The following DOCK3 variants were observed in gnomAD, a reference collection of about 807,000 sequenced individuals.
The protein encoded by DOCK3 is dedicator of cytokinesis protein 3.
DOCK3 carries 60 observed loss-of-function variants against 265.6 expected under a neutral mutation model. The ratio of observed to expected loss-of-function variants is 0.23; its 90% confidence interval spans 0.18 to 0.28. The LOEUF is 0.28. DOCK3 is among the 10% of genes least tolerant of loss of function. The pLI, the probability that DOCK3 is intolerant of heterozygous loss-of-function variation, is 1.00. For missense variants in DOCK3, 1,981 were observed against 2,594.3 expected (o/e 0.76, Z 5.14); for synonymous variants, 881 against 938.0 (o/e 0.94, Z 1.11).
intron 9 of DOCK3, among the ~76,000 whole-genome samples, chr3:51,123,939 T>C (rs1408830189): frequency 6.6e-6 from 1 of 152,186 alleles, no homozygotes; most frequent in Non-Finnish European, 1.5e-5. Flanking sequence ...GTTAACTCTT[T>C]TCTGTGCCCC....
intron 5 of DOCK3, among the ~76,000 whole-genome samples, chr3:51,011,500 C>T (rs2108769586): frequency 6.6e-6 from 1 of 152,252 alleles, no homozygotes; most frequent in South Asian, 2.1e-4. Context: ...TTTCTCTACA[C>T]TGGTTATTCT....
chr3:51,028,239 T>TAA (rs2079900553), intron 5 of DOCK3, among the ~76,000 whole-genome samples: 1 of 152,184 alleles, frequency 6.6e-6, no homozygotes, highest in Non-Finnish European at 1.5e-5. Context: ...TTAAGAATGC[T>TAA]AAAAATAGGC....
intron 27 of DOCK3, among the ~76,000 whole-genome samples, chr3:51,303,019 A>G (rs1452061229): frequency 2.0e-5 from 3 of 151,866 alleles, no homozygotes; most frequent in Non-Finnish European, 4.4e-5. Flanking sequence ...TATGTTTTTC[A>G]TCTTGGTTCT....
chr3:51,085,423 C>T (rs537586055), intron 7 of DOCK3, among the ~76,000 whole-genome samples: 8 of 152,236 alleles, frequency 5.3e-5, no homozygotes, highest in Admixed American at 4.6e-4. Context: ...TATTAGGCCA[C>T]AAACAAGTCT....
intron 5 of DOCK3, among the ~76,000 whole-genome samples, chr3:50,979,138 A>G (rs1435991838): frequency 6.6e-6 from 1 of 151,914 alleles, no homozygotes; most frequent in East Asian, 1.9e-4. Context: ...TGTAGACCGG[A>G]GCTGTTCCTA....
At chr3:51,038,738 G>A (rs1410969441) in intron 5 of DOCK3, among the ~76,000 whole-genome samples, 3 of 151,974 alleles carry the variant, frequency 2.0e-5, no homozygotes, top group Admixed American at 6.6e-5. Flanking sequence ...CTGGTTCATG[G>A]CACATTATTG....
chr3:51,177,473 A>G (rs950159083), intron 12 of DOCK3, among the ~76,000 whole-genome samples: 1 of 152,246 alleles, frequency 6.6e-6, no homozygotes, highest in Non-Finnish European at 1.5e-5. Context: ...AAGGCAAACT[A>G]TAGGAAAAAT....
intron 5 of DOCK3, among the ~76,000 whole-genome samples, chr3:50,978,429 G>C (rs188169866): frequency 6.6e-6 from 1 of 151,984 alleles, no homozygotes; most frequent in Non-Finnish European, 1.5e-5. Context: ...TGCCCCTGCT[G>C]GGGGGGTGCC....
chr3:51,026,577 T>A (rs2079833623), intron 5 of DOCK3, among the ~76,000 whole-genome samples: 1 of 152,108 alleles, frequency 6.6e-6, no homozygotes, highest in Non-Finnish European at 1.5e-5. Flanking sequence ...TTTTTTTGTG[T>A]ATCTGGTAGG....
chr3:50,933,027 A>G (rs945038191), intron 4 of DOCK3, among the ~76,000 whole-genome samples: 12 of 151,800 alleles, frequency 7.9e-5, no homozygotes, highest in African/African-American at 2.4e-4. Flanking sequence ...GCAGCAGACA[A>G]GAGAGCATGT....
intron 3 of DOCK3, among the ~76,000 whole-genome samples, chr3:50,861,438 A>G (rs1305399165): frequency 6.6e-5 from 10 of 152,148 alleles, no homozygotes; most frequent in Non-Finnish European, 1.3e-4. Context: ...GTAGATGTCT[A>G]TTAGGTCATT....
intron 27 of DOCK3, among the ~76,000 whole-genome samples, chr3:51,296,916 C>T (rs1339706891): frequency 2.6e-5 from 4 of 151,466 alleles, no homozygotes; most frequent in South Asian, 4.2e-4. Context: ...GTCAGGAGTT[C>T]GAGACCACCC....
At chr3:51,017,500 A>C (rs1426800320) in intron 5 of DOCK3, among the ~76,000 whole-genome samples, 2 of 151,790 alleles carry the variant, frequency 1.3e-5, no homozygotes, top group Admixed American at 6.6e-5. Context: ...ACTTGTAGCT[A>C]TAAATGTTCC....
In DOCK3 at chr3:51,045,124, C is replaced by T. The variant is rs1008164075; in HGVS notation, c.316-19324C>T. On this transcript the variant is annotated intron_variant, in intron 5 of 52. Coordinates refer to ENST00000266037, the MANE Select transcript of DOCK3 (RefSeq NM_004947.5). Reference sequence around the variant, plus strand: ...TTGGGCTGTCTCAGCTTTCAACATGCCTTTGCCACTAAGCTTAATCATTTC... The same window carrying T: ...TTGGGCTGTCTCAGCTTTCAACATGTCTTTGCCACTAAGCTTAATCATTTC... Among the ~76,000 whole-genome samples, 13 of 152,276 alleles carry T rather than the reference C, an allele frequency of 8.5e-5. No individual in the cohort carries two copies. In the East Asian group the frequency reaches 2.3e-3, roughly 27 times the overall value.
rs140788352 is a variant in DOCK3, at chr3:51,024,178, CT to C, written c.316-40267del. ...GTTATAGAAAGTCTTTGTGCAATGG[CT>C]TTCCCATATGATGGTTGTAATAGTT... On this transcript the variant is annotated intron_variant, in intron 5 of 52. Coordinates refer to ENST00000266037, the MANE Select transcript of DOCK3 (RefSeq NM_004947.5). 8.0e-3 allele frequency among the ~76,000 whole-genome samples: 1,221 copies of C among 152,258 alleles called. 15 individuals are homozygous for C. Among genetic ancestry groups the C allele is most frequent in the Admixed American group, 0.01 (158 of 15,292 alleles).
At chr3:51,222,677 C>G (rs1415708998) in intron 14 of DOCK3, among the ~76,000 whole-genome samples, 9 of 152,104 alleles carry the variant, frequency 5.9e-5, no homozygotes, top group Admixed American at 5.9e-4. Context: ...AGCTAAAGAC[C>G]TGATGAAAAT....
chr3:51,133,650 A>G (rs2084664141), intron 9 of DOCK3, among the ~76,000 whole-genome samples: 1 of 152,188 alleles, frequency 6.6e-6, no homozygotes. Context: ...TTATAGTAGC[A>G]TGATTTATAA....
intron 23 of DOCK3, among the ~76,000 whole-genome samples, chr3:51,266,043 CAGAG>C (rs766368052): frequency 2.6e-5 from 4 of 152,148 alleles, no homozygotes; most frequent in Non-Finnish European, 5.9e-5. Flanking sequence ...AATAGACAAA[CAGAG>C]AGCCAAATCA....
chr3:50,872,074 C>T (rs979013135), intron 3 of DOCK3, among the ~76,000 whole-genome samples: 7 of 152,132 alleles, frequency 4.6e-5, no homozygotes, highest in African/African-American at 1.7e-4. Flanking sequence ...GCCATATTTT[C>T]CTGGATATGG....
Sources: allele counts gnomAD v4.1 joint callset (sites outside exome capture counted in the v4.1 genomes callset), GRCh38; gene constraint gnomAD v4.1.1; transcripts MANE v1.5; gene names NCBI Gene and HGNC (gene_info 2026-07-23, HGNC 2026-07-21).